Variants in NALF1 observed in about 807,000 individuals in gnomAD.
NALF1 encodes family with sequence similarity 155 member A.
Under a neutral mutation model 48.4 loss-of-function variants are expected in NALF1, and 3 were observed. The ratio of observed to expected loss-of-function variants is 0.06; its 90% CI spans 0.03 to 0.16. NALF1 has a LOEUF of 0.16. Among genes scored for constraint, NALF1 ranks in the 10% least tolerant of loss-of-function variants. The probability of loss-of-function intolerance (pLI) is 1.00; values close to 1 mark genes in which losing one functional copy is unlikely to be tolerated. For missense variants in NALF1, 526 were observed against 571.5 expected (o/e 0.92, Z 0.81); for synonymous variants, 262 against 245.7 (o/e 1.07, Z -0.62).
chr13:107,734,390 T>C (rs1182202261), intron 1 of NALF1, among the ~76,000 whole-genome samples: 2 of 61,402 alleles, frequency 3.3e-5, no homozygotes, highest in East Asian at 5.7e-4. Flanking sequence ...AATCTATGGG[T>C]ATTTTTCCTT....
chr13:107,788,433 T>A (rs1320018985), intron 1 of NALF1: 1 of 152,212 alleles, frequency 6.6e-6, no homozygotes, highest in East Asian at 1.9e-4. Context: ...TCTTGTTGAA[T>A]AAATGCACTT....
chr13:107,170,737 G>A lies in NALF1; in HGVS notation c.1137C>T (p.Val379=), dbSNP rs913611311. ...LTNDEPECCD[V]RREEKSNNPS... ...GGTTATTTGATTTTTCTTCTCTCCT[G>A]ACGTCACAGCATTCTGGTTCATCAT... The change falls in exon 3 of 3, where the codon GTC becomes GTT. Residue 379 remains valine (V), a synonymous_variant. Transcript: ENST00000375915. 2.0e-5 allele frequency: 33 copies of A among 1,614,152 alleles called. No homozygotes were observed. The highest frequency in any genetic ancestry group is 2.6e-5 in the Non-Finnish European group (31 of 1,180,026).
intron 1 of NALF1, among the ~76,000 whole-genome samples, chr13:107,496,820 A>G (rs1875354240): frequency 6.6e-6 from 1 of 152,154 alleles, no homozygotes; most frequent in Non-Finnish European, 1.5e-5. Context: ...TTGTGCAGGG[A>G]AACACCACGT....
At chr13:107,609,951 CA>C (rs1387157860) in intron 1 of NALF1, among the ~76,000 whole-genome samples, 4 of 152,014 alleles carry the variant, frequency 2.6e-5, no homozygotes, top group African/African-American at 7.2e-5. Flanking sequence ...CAGGAGGAAA[CA>C]GAAGAGAACT....
chr13:107,576,503 G>A (rs1168520987), intron 1 of NALF1, among the ~76,000 whole-genome samples: 2 of 152,188 alleles, frequency 1.3e-5, no homozygotes, highest in African/African-American at 2.4e-5. Flanking sequence ...TCTCAACAAG[G>A]AGTCCATTCT....
chr13:107,629,526 T>C (rs1271257721), intron 1 of NALF1, among the ~76,000 whole-genome samples: 2 of 152,206 alleles, frequency 1.3e-5, no homozygotes, highest in Non-Finnish European at 2.9e-5. Context: ...TTTCTGATTG[T>C]CTACTGAACA....
At chr13:107,626,031 T>G (rs1210555622) in intron 1 of NALF1, among the ~76,000 whole-genome samples, 1 of 152,074 alleles carries the variant, frequency 6.6e-6, no homozygotes. Context: ...ATTATGAAGG[T>G]CGTTTCTTTT....
At chr13:107,311,174 T>C (rs77524761) in intron 1 of NALF1, among the ~76,000 whole-genome samples, 3,396 of 152,248 alleles carry the variant, frequency 0.022, 59 homozygotes, top group Non-Finnish European at 0.031. Context: ...GTATTATTTT[T>C]TTGCTTGAAG....
intron 1 of NALF1, among the ~76,000 whole-genome samples, chr13:107,347,425 C>A (rs909912046): frequency 1.3e-5 from 2 of 152,196 alleles, no homozygotes; most frequent in Admixed American, 6.5e-5. Context: ...GCTTTCCTAG[C>A]ACAACAAACA....
intron 1 of NALF1, among the ~76,000 whole-genome samples, chr13:107,595,323 C>T (rs968699131): frequency 5.3e-5 from 8 of 152,162 alleles, no homozygotes; most frequent in African/African-American, 1.9e-4. Context: ...TTTTACAAAA[C>T]AATTTAAATA....
chr13:107,250,864 T>C (rs1400745836), intron 1 of NALF1, among the ~76,000 whole-genome samples: 3 of 152,074 alleles, frequency 2.0e-5, no homozygotes, highest in Non-Finnish European at 2.9e-5. Flanking sequence ...TGTTTGAAAA[T>C]GTGTAGCACC....
intron 1 of NALF1, among the ~76,000 whole-genome samples, chr13:107,808,761 C>A (rs1335888066): frequency 1.3e-5 from 2 of 152,000 alleles, no homozygotes; most frequent in Admixed American, 1.3e-4. Flanking sequence ...AAGTTTACTT[C>A]CCGATATCTC....
chr13:107,399,357 T>C (rs962322477), intron 1 of NALF1, among the ~76,000 whole-genome samples: 6 of 152,114 alleles, frequency 3.9e-5, no homozygotes, highest in Admixed American at 2.6e-4. Context: ...AACAGAATAC[T>C]CATAATAGAG....
At chr13:107,837,710 T>A (rs559049737) in intron 1 of NALF1, among the ~76,000 whole-genome samples, 19 of 152,248 alleles carry the variant, frequency 1.2e-4, no homozygotes, top group African/African-American at 4.6e-4. Context: ...CAGCGTGACA[T>A]CTGCTTTCTC....
At chr13:107,359,495 C>T (rs889587499) in intron 1 of NALF1, among the ~76,000 whole-genome samples, 6 of 152,018 alleles carry the variant, frequency 3.9e-5, no homozygotes, top group African/African-American at 1.4e-4. Flanking sequence ...TAAAAGTGGA[C>T]AGTTTAATAG....
intron 1 of NALF1, among the ~76,000 whole-genome samples, chr13:107,540,235 G>C (rs1876962547): frequency 6.6e-6 from 1 of 151,998 alleles, no homozygotes; most frequent in Non-Finnish European, 1.5e-5. Flanking sequence ...ATTTTACATG[G>C]AATGTTTGTC....
intron 1 of NALF1, among the ~76,000 whole-genome samples, chr13:107,433,382 C>T (rs774095192): frequency 8.5e-4 from 129 of 152,232 alleles, no homozygotes; most frequent in Middle Eastern, 3.4e-3. Context: ...GCTGCATCTT[C>T]TTAACTAGTC....
intron 1 of NALF1, among the ~76,000 whole-genome samples, chr13:107,679,877 G>T (rs1214398801): frequency 6.6e-6 from 1 of 152,134 alleles, no homozygotes; most frequent in African/African-American, 2.4e-5. Flanking sequence ...TCTGCACCTG[G>T]GTGTATTTGA....
chr13:107,517,980 C>G (rs1262288819), intron 1 of NALF1, among the ~76,000 whole-genome samples: 1 of 151,976 alleles, frequency 6.6e-6, no homozygotes, highest in Non-Finnish European at 1.5e-5. Flanking sequence ...TTAACGTAAG[C>G]TCAAAAACGT....
Sources: allele counts gnomAD v4.1 joint callset (sites outside exome capture counted in the v4.1 genomes callset), GRCh38; gene constraint gnomAD v4.1.1; transcripts MANE v1.5; gene names NCBI Gene and HGNC (gene_info 2026-07-23, HGNC 2026-07-21).